The following RUSC2 variants were observed in gnomAD, a reference collection of about 807,000 sequenced individuals.
The protein encoded by RUSC2 is RUN and SH3 domain containing 2, also known as AP-4 complex accessory subunit RUSC2.
RUSC2 carries 34 observed loss-of-function variants against 122.2 expected under a neutral mutation model. The ratio of observed to expected loss-of-function variants is 0.28; its 90% CI spans 0.21 to 0.37. The LOEUF is 0.37. Among genes scored for constraint, RUSC2 ranks in the 10% least tolerant of loss-of-function variants. The probability of loss-of-function intolerance (pLI) is 1.00; values close to 1 mark genes in which losing one functional copy is unlikely to be tolerated. For synonymous variants in RUSC2, 784 were observed against 790.0 expected (o/e 0.99, Z 0.13); for missense variants, 1,747 against 1,952.4 (o/e 0.89, Z 1.98).
Position 35,558,143 on chromosome 9 carries a change from A to G in RUSC2, c.3061-54A>G. On this transcript the variant is annotated intron_variant, in intron 6 of 11. Coordinates refer to ENST00000361226, the MANE Select transcript of RUSC2 (RefSeq NM_014806.5). This position sits in a 1 kb window ranked among gnomAD's most constrained non-coding sequence, Gnocchi z 4.3. ...GGGAACCATGAGGGCCTGCTACGAG[A>G]GGACCACAGTCAGGCCTGAGGGGGT... is the stretch of plus-strand genomic sequence containing the variant. 1.9e-6 allele frequency: 3 copies of G among 1,596,356 alleles called. No homozygotes were observed. The highest frequency in any genetic ancestry group is 2.6e-6 in the Non-Finnish European group (3 of 1,169,640).
chr9:35,528,133 C>T (rs554162872), intron 1 of RUSC2, among the ~76,000 whole-genome samples: 17 of 152,278 alleles, frequency 1.1e-4, no homozygotes, highest in South Asian at 4.1e-4. Context: ...TGCCTATAAT[C>T]CCAGCGCTTT....
At chr9:35,495,080 GTATATATTA>G (rs1380623597) in intron 1 of RUSC2, among the ~76,000 whole-genome samples, 1 of 6,452 alleles carries the variant, frequency 1.5e-4, no homozygotes, top group Non-Finnish European at 2.7e-4. Flanking sequence ...ATTATATATA[GTATATATTA>G]TATATACTAT....
chr9:35,555,601 A>T lies in RUSC2; in HGVS notation c.2556A>T (p.Gly852=). The part of the protein sequence containing the change: ...TLTEYRLHGT[G]SLPPLGSWRS... Reference sequence around the variant, plus strand: ...CTGAGTACCGGCTCCATGGAACAGGAAGCTTGCCGCCTCTGGGCTCCTGGC... The same window carrying T: ...CTGAGTACCGGCTCCATGGAACAGGTAGCTTGCCGCCTCTGGGCTCCTGGC... Residue 852 remains glycine (G), a synonymous_variant, in exon 3 of 12, where the codon GGA becomes GGT. Coordinates refer to ENST00000361226, the MANE Select transcript of RUSC2 (RefSeq NM_014806.5). The surrounding 1 kb of genome is among the most constrained non-coding windows in gnomAD (Gnocchi z 4.6). 1 of 1,613,654 alleles carries T rather than the reference A, an allele frequency of 6.2e-7. No homozygotes were observed. Among genetic ancestry groups the T allele is most frequent in the Non-Finnish European group, 8.5e-7 (1 of 1,180,014 alleles).
chr9:35,546,816 C>T lies in RUSC2; in HGVS notation c.295C>T (p.Arg99Ter), dbSNP rs1265683288. The part of the protein sequence containing the change: ...RDGRGPGAPK[R>*]HNPFLLQEGV... ...TGGAAGAGGCCCTGGAGCCCCCAAA[C>T]GACACAACCCCTTCTTGCTGCAGGA... Residue 99 changes from arginine to a stop codon, truncating the protein, a stop_gained, in exon 2 of 12, where the codon CGA becomes TGA. Coordinates refer to ENST00000361226, the MANE Select transcript of RUSC2 (RefSeq NM_014806.5). LOFTEE classifies it high-confidence loss of function. The surrounding 1 kb of genome is among the most constrained non-coding windows in gnomAD (Gnocchi z 4.3). 2 of 1,611,994 alleles carry T rather than the reference C, an allele frequency of 1.2e-6. No homozygotes were observed. Among genetic ancestry groups the T allele is most frequent in the Non-Finnish European group, 1.7e-6 (2 of 1,179,030 alleles).
chr9:35,516,946 G>A (rs747914277), intron 1 of RUSC2, among the ~76,000 whole-genome samples: 1 of 152,092 alleles, frequency 6.6e-6, no homozygotes, highest in African/African-American at 2.4e-5. Flanking sequence ...TTGAGGCAAT[G>A]GATATGTTAA....
intron 1 of RUSC2, among the ~76,000 whole-genome samples, chr9:35,497,120 A>T (rs1002125256): frequency 6.6e-6 from 1 of 152,168 alleles, no homozygotes; most frequent in Non-Finnish European, 1.5e-5. Flanking sequence ...CCCCTTAGAG[A>T]GTGAGTACAA....
rs559902417 is a variant in RUSC2, at chr9:35,550,615, G to C, written c.2014+2080G>C. ...CACTCCAGCTTGGGAAACAGAGTGA[G>C]ACTCTGTCTCAAAAATAAAAAACAA... On this transcript the variant is annotated intron_variant, in intron 2 of 11. Transcript: ENST00000361226. 6.0e-3 allele frequency among the ~76,000 whole-genome samples: 907 copies of C among 152,032 alleles called. 1 individual carries two copies. Among genetic ancestry groups the C allele is most frequent in the Non-Finnish European group, 9.5e-3 (649 of 67,984 alleles).
At chr9:35,518,666 G>A (rs1821153256) in intron 1 of RUSC2, among the ~76,000 whole-genome samples, 1 of 152,190 alleles carries the variant, frequency 6.6e-6, no homozygotes, top group South Asian at 2.1e-4. Context: ...CTATCCTAGT[G>A]TGTCATGTCT....
rs746338510 is a variant in RUSC2 at position 35,560,197 on chromosome 9, G to A, written c.3557G>A (p.Arg1186Gln). 2.0e-5 allele frequency: 32 copies of A among 1,605,076 alleles called. No homozygotes were observed. Among genetic ancestry groups the A allele is most frequent in the Admixed American group, 1.2e-4 (7 of 59,988 alleles). The change falls in exon 10 of 12, where the codon CGG (arginine) becomes CAG (glutamine). Residue 1186 changes from arginine to glutamine, a missense_variant. Transcript: ENST00000361226. ...CTGCTGCAAAGTGGGCAGCAGCAGCGGCAGCACAAGGAACTGCTGCGGGTG... is the reference window on the plus strand; with the variant it reads ...CTGCTGCAAAGTGGGCAGCAGCAGCAGCAGCACAAGGAACTGCTGCGGGTG... ...HRLLQSGQQQ[R>Q]QHKELLRVSQ...
chr9:35,546,445 G>A lies in RUSC2; in HGVS notation c.-77G>A. On this transcript the variant is annotated 5_prime_UTR_variant, in exon 2 of 12. Transcript: ENST00000361226. The surrounding 1 kb of genome is among the most constrained non-coding windows in gnomAD (Gnocchi z 4.3). ...CTCTCTCCAGGTGCCAAGCTCTCCT[G>A]ATGAAATGTGTTCTGCCCCACTGGG... 2 of 1,142,756 alleles carry A rather than the reference G, an allele frequency of 1.8e-6. No homozygotes were observed. The highest frequency in any genetic ancestry group is 2.3e-6 in the Non-Finnish European group (2 of 873,210). The allele number at this position is 1,142,756 out of a possible 1,614,324, so 70.8% of individuals were successfully genotyped here.
In RUSC2 at chr9:35,555,774, G is replaced by C; in HGVS notation, c.2656+73G>C. On this transcript the variant is annotated intron_variant, in intron 3 of 11. Coordinates refer to ENST00000361226, the MANE Select transcript of RUSC2 (RefSeq NM_014806.5). The surrounding 1 kb of genome is among the most constrained non-coding windows in gnomAD (Gnocchi z 4.6). ...ACTTCCACCACCTCCCCTTTGAGTGGTTGCTTACACTCTCACCTGGGGCCA... is the reference window on the plus strand; with the variant it reads ...ACTTCCACCACCTCCCCTTTGAGTGCTTGCTTACACTCTCACCTGGGGCCA... 5 of 1,512,784 alleles carry C rather than the reference G, an allele frequency of 3.3e-6. No individual in the cohort carries two copies. Among genetic ancestry groups the C allele is most frequent in the Non-Finnish European group, 4.4e-6 (5 of 1,132,994 alleles). The allele number at this position is 1,512,784 out of a possible 1,614,324, so 93.7% of individuals were successfully genotyped here. A position where few individuals can be genotyped will look rare whatever the true frequency, so the allele number is the denominator to read the frequency against.
chr9:35,497,736 A>G (rs1339989897), intron 1 of RUSC2, among the ~76,000 whole-genome samples: 1 of 152,196 alleles, frequency 6.6e-6, no homozygotes, highest in East Asian at 1.9e-4. Context: ...CAGTGGGCCC[A>G]TTAGTAGATG....
chr9:35,560,516 T>C lies in RUSC2; in HGVS notation c.3876T>C (p.Pro1292=). The change falls in exon 10 of 12, where the codon CCT becomes CCC. Residue 1292 remains proline, a synonymous_variant. Transcript: ENST00000361226. The stretch of plus-strand genomic sequence containing the variant: ...GCTCCATTGAGGGTTCCAGGTTCCC[T>C]CGTGGTAGCAGCAACAGCAGCAGCG... The part of the protein sequence containing the change: ...IDGSIEGSRF[P]RGSSNSSSEK... The C allele has an allele frequency of 1.2e-6, 2 of 1,614,064 alleles. No individual in the cohort carries two copies. Among genetic ancestry groups the C allele is most frequent in the Non-Finnish European group, 1.7e-6 (2 of 1,179,984 alleles).
chr9:35,533,961 C>T (rs1031795504), intron 1 of RUSC2, among the ~76,000 whole-genome samples: 4 of 152,066 alleles, frequency 2.6e-5, no homozygotes, highest in East Asian at 1.9e-4. Context: ...TTTTGTTTCT[C>T]GTAGGTATAT....
At chr9:35,511,665 CT>C (rs1288549426) in intron 1 of RUSC2, among the ~76,000 whole-genome samples, 2 of 152,192 alleles carry the variant, frequency 1.3e-5, no homozygotes, top group Non-Finnish European at 2.9e-5. Flanking sequence ...CCATGCCAGA[CT>C]TTAGGCTAGG....
chr9:35,539,742 C>A (rs1296647181), intron 1 of RUSC2, among the ~76,000 whole-genome samples: 1 of 152,120 alleles, frequency 6.6e-6, no homozygotes, highest in South Asian at 2.1e-4. Context: ...GCCTAGGGCA[C>A]CTGATCTGTT....
At chr9:35,498,986 T>G (rs1288178278) in intron 1 of RUSC2, among the ~76,000 whole-genome samples, 1 of 151,862 alleles carries the variant, frequency 6.6e-6, no homozygotes, top group African/African-American at 2.4e-5. Flanking sequence ...TGGTATATTA[T>G]TAATGTTAAC....
chr9:35,561,840 G>GTATT lies in RUSC2; in HGVS notation c.*475_*478dup, dbSNP rs771051127. The GTATT allele has an allele frequency of 4.8e-4, 296 of 622,444 alleles. 1 individual carries two copies. In the East Asian group the frequency reaches 7.0e-3, roughly 15 times the overall value. 38.6% of individuals were successfully genotyped at this position (622,444 alleles called of 1,614,324 possible). ...AGGAGGAGCCCAGGCGTCTGTTTATGTATTTATTTATTTATTTATTATACC... is the reference window on the plus strand; with the variant it reads ...AGGAGGAGCCCAGGCGTCTGTTTATGTATTTATTTATTTATTTATTTATTATACC... On this transcript the variant is annotated 3_prime_UTR_variant, in exon 12 of 12. Coordinates refer to ENST00000361226, the MANE Select transcript of RUSC2 (RefSeq NM_014806.5).
At chr9:35,516,543 A>G (rs1295267141) in intron 1 of RUSC2, among the ~76,000 whole-genome samples, 5 of 152,252 alleles carry the variant, frequency 3.3e-5, no homozygotes, top group Admixed American at 3.3e-4. Flanking sequence ...TGATAATGCA[A>G]TAAGCTAAAT....
Sources: allele counts gnomAD v4.1 joint callset (sites outside exome capture counted in the v4.1 genomes callset), GRCh38; gene constraint gnomAD v4.1.1; non-coding constraint Gnocchi (gnomAD v3.1); transcripts MANE v1.5; gene names NCBI Gene and HGNC (gene_info 2026-07-23, HGNC 2026-07-21).